The following MAP3K4 variants were observed in gnomAD, a reference collection of about 807,000 sequenced individuals.
MAP3K4 encodes mitogen-activated protein kinase kinase kinase 4, also known as MAP three kinase 1.
MAP3K4 carries 67 observed loss-of-function variants against 185.6 expected under a neutral mutation model. That is an observed-to-expected ratio of 0.36 (90% CI 0.30 to 0.44). The LOEUF (loss-of-function observed/expected upper bound fraction) is 0.44, where lower values mean the gene tolerates loss of function less well. Ranked by LOEUF, MAP3K4 falls within the 20% of genes least tolerant of loss-of-function variation. The pLI is 1.00. For synonymous variants in MAP3K4, 702 were observed against 710.4 expected, an observed-to-expected ratio of 0.99 and a Z score of 0.19; for missense variants, 1,551 against 1,995.1, an observed-to-expected ratio of 0.78 and a Z score of 4.24.
chr6:161,098,245 C>G lies in MAP3K4; in HGVS notation c.3525-33C>G, dbSNP rs780734066. On this transcript the variant is annotated intron_variant, in intron 16 of 26. Transcript: ENST00000392142. The surrounding 1 kb of genome is among the most constrained non-coding windows in gnomAD (Gnocchi z 4.4). The stretch of plus-strand genomic sequence containing the variant: ...TTTTCAAGTCCGTTCCCTCTTCTCA[C>G]ATGTGTTCCTGAAGCTTTTCTTCTT... The G allele has an allele frequency of 1.3e-6, 2 of 1,595,028 alleles. No individual in the cohort carries two copies. Among genetic ancestry groups the G allele is most frequent in the South Asian group, 2.2e-5 (2 of 89,254 alleles).
At position 161,117,131 on chromosome 6, in the gene MAP3K4, C is replaced by T; in HGVS notation, c.*261C>T. 1 of 467,308 alleles carries T rather than the reference C, an allele frequency of 2.1e-6. No individual in the cohort carries two copies. The highest frequency in any genetic ancestry group is 3.8e-6 in the Non-Finnish European group (1 of 262,768). The allele number at this position is 467,308 out of a possible 1,614,324, so 28.9% of individuals were successfully genotyped here. A position where few individuals can be genotyped will look rare whatever the true frequency, so the allele number is the denominator to read the frequency against. ...GTACACGGACCATCGCCTCTGTCTC[C>T]TCCGTGTCTCGCGCGACTGAGAACC... On this transcript the variant is annotated 3_prime_UTR_variant, in exon 27 of 27. Coordinates refer to ENST00000392142, the MANE Select transcript of MAP3K4 (RefSeq NM_005922.4).
Position 161,102,692 on chromosome 6 carries a change from C to A in MAP3K4, c.3776-7C>A. ...ATCTTAATTTGTATAAAAATAACTT[C>A]CTGCAGAACCAGCATATCCAAGAGG... On this transcript the variant is annotated splice_region_variant and splice_polypyrimidine_tract_variant and intron_variant, in intron 18 of 26. Transcript: ENST00000392142. 3 of 1,551,572 alleles carry A rather than the reference C, an allele frequency of 1.9e-6. No individual in the cohort carries two copies. Among genetic ancestry groups the A allele is most frequent in the African/African-American group, 1.4e-5 (1 of 71,622 alleles).
rs779627480 is a variant in MAP3K4 at position 160,996,531 on chromosome 6, A to C, written c.152+4448A>C. On this transcript the variant is annotated intron_variant, in intron 1 of 26. Coordinates refer to ENST00000392142, the MANE Select transcript of MAP3K4 (RefSeq NM_005922.4). This position sits in a 1 kb window ranked among gnomAD's most constrained non-coding sequence, Gnocchi z 4.5. ...TCATGACTATGATTTTACTCATAGCATTCTATTGTCTCAGCCTTGTCATTT... is the reference window on the plus strand; with the variant it reads ...TCATGACTATGATTTTACTCATAGCCTTCTATTGTCTCAGCCTTGTCATTT... Among the ~76,000 whole-genome samples, 4 of 152,188 alleles carry C rather than the reference A, an allele frequency of 2.6e-5. No individual in the cohort carries two copies. The highest frequency in any genetic ancestry group is 5.9e-5 in the Non-Finnish European group (4 of 68,034).
At chr6:161,029,999 T>G (rs933503234) in intron 1 of MAP3K4, among the ~76,000 whole-genome samples, 3 of 152,214 alleles carry the variant, frequency 2.0e-5, no homozygotes, top group Non-Finnish European at 4.4e-5. Flanking sequence ...TTTCAGCAAT[T>G]TGGTTATGAT....
At chr6:161,032,864 C>G (rs1158245145) in intron 1 of MAP3K4, among the ~76,000 whole-genome samples, 1 of 151,092 alleles carries the variant, frequency 6.6e-6, no homozygotes, top group Non-Finnish European at 1.5e-5. Flanking sequence ...ATTTAACTCG[C>G]ATGTCTTGTG....
At chr6:160,992,304 G>C (rs1780758264) in intron 1 of MAP3K4, 4 of 571,124 alleles carry the variant, frequency 7.0e-6, no homozygotes, top group Non-Finnish European at 8.7e-6. Flanking sequence ...GCAGGGTTCC[G>C]CTCGAGCGTG....
At position 160,996,576 on chromosome 6, in the gene MAP3K4, T is replaced by C. The variant is rs2115033695; in HGVS notation, c.152+4493T>C. Among the ~76,000 whole-genome samples, 1 of 152,370 alleles carries C rather than the reference T, an allele frequency of 6.6e-6. No individual in the cohort carries two copies. The highest frequency in any genetic ancestry group is 2.4e-5 in the African/African-American group (1 of 41,582). On this transcript the variant is annotated intron_variant, in intron 1 of 26. Coordinates refer to ENST00000392142, the MANE Select transcript of MAP3K4 (RefSeq NM_005922.4). The surrounding 1 kb of genome is among the most constrained non-coding windows in gnomAD (Gnocchi z 4.5). ...TCATTTGACCAGGTAGTATGTATGC[T>C]GTTTGAAGACTCTTTAACGTTGCCT...
chr6:161,065,211 G>T (rs1456593753), intron 3 of MAP3K4, among the ~76,000 whole-genome samples: 1 of 152,202 alleles, frequency 6.6e-6, no homozygotes, highest in South Asian at 2.1e-4. Flanking sequence ...CCCTGCTTCT[G>T]CTATGTGAAG....
At position 161,008,378 on chromosome 6, in the gene MAP3K4, A is replaced by G. The variant is rs1235737824; in HGVS notation, c.152+16295A>G. Among the ~76,000 whole-genome samples, 1 of 152,208 alleles carries G rather than the reference A, an allele frequency of 6.6e-6. No individual in the cohort carries two copies. Among genetic ancestry groups the G allele is most frequent in the African/African-American group, 2.4e-5 (1 of 41,460 alleles). ...ATTAGAGTAAAATCCTGGAAATATA[A>G]TTACTATACCAAAGTGTGTGTGTGT... On this transcript the variant is annotated intron_variant, in intron 1 of 26. Coordinates refer to ENST00000392142, the MANE Select transcript of MAP3K4 (RefSeq NM_005922.4). This position sits in a 1 kb window ranked among gnomAD's most constrained non-coding sequence, Gnocchi z 4.1.
chr6:161,028,829 G>T (rs759950299), intron 1 of MAP3K4, among the ~76,000 whole-genome samples: 12 of 152,184 alleles, frequency 7.9e-5, no homozygotes, highest in Non-Finnish European at 1.8e-4. Context: ...AGGTTTGACC[G>T]TTCACCTGGA....
chr6:161,032,920 T>C (rs537876378), intron 1 of MAP3K4, among the ~76,000 whole-genome samples: 49 of 152,360 alleles, frequency 3.2e-4, no homozygotes, highest in African/African-American at 1.2e-3. Context: ...ATAAAGTATT[T>C]AGAGTGGTCT....
At chr6:161,068,862 A>T (rs1265379464) in intron 3 of MAP3K4, among the ~76,000 whole-genome samples, 1 of 152,234 alleles carries the variant, frequency 6.6e-6, no homozygotes, top group East Asian at 1.9e-4. Context: ...CTTGAAGAAG[A>T]TAATAGCCGT....
In MAP3K4 at chr6:161,112,304, CGTT is replaced by C. The variant is rs1562550054; in HGVS notation, c.4519+348_4519+350del. ...CGAATCACTCAGCATACACCAGTCT[CGTT>C]GGCTGCCTGCCTGTCCACTACCTTG... On this transcript the variant is annotated intron_variant, in intron 24 of 26. Coordinates refer to ENST00000392142, the MANE Select transcript of MAP3K4 (RefSeq NM_005922.4). This position sits in a 1 kb window ranked among gnomAD's most constrained non-coding sequence, Gnocchi z 5.1. Among the ~76,000 whole-genome samples, 1 of 152,162 alleles carries C rather than the reference CGTT, an allele frequency of 6.6e-6. No homozygotes were observed. Among genetic ancestry groups the C allele is most frequent in the African/African-American group, 2.4e-5 (1 of 41,446 alleles).
rs1784574638 is a variant in MAP3K4 at position 161,063,598 on chromosome 6, CT to C, written c.1708-7009del. 1.3e-5 allele frequency among the ~76,000 whole-genome samples: 2 copies of C among 152,124 alleles called. No individual in the cohort carries two copies. Among genetic ancestry groups the C allele is most frequent in the African/African-American group, 4.8e-5 (2 of 41,416 alleles). On this transcript the variant is annotated intron_variant, in intron 3 of 26. Transcript: ENST00000392142. The surrounding 1 kb of genome is among the most constrained non-coding windows in gnomAD (Gnocchi z 5.4). ...TCTCGATCTCCTCTTCTCTTTCCTCCTGTTGTCCTTTACTGGGGAGTTGGAT... is the reference window on the plus strand; with the variant it reads ...TCTCGATCTCCTCTTCTCTTTCCTCCGTTGTCCTTTACTGGGGAGTTGGAT...
chr6:161,010,578 T>G (rs969568441), intron 1 of MAP3K4, among the ~76,000 whole-genome samples: 2 of 152,248 alleles, frequency 1.3e-5, no homozygotes, highest in Non-Finnish European at 2.9e-5. Context: ...ATTGCACAAT[T>G]GCCTACTCTT....
intron 2 of MAP3K4, among the ~76,000 whole-genome samples, chr6:161,040,139 G>T (rs893968604): frequency 6.6e-6 from 1 of 152,054 alleles, no homozygotes; most frequent in African/African-American, 2.4e-5. Flanking sequence ...TGTATTTTCT[G>T]TATTAGTAAT....
rs201528778 is a variant in MAP3K4 at position 160,994,122 on chromosome 6, CT to C, written c.152+2051del. 5.6e-3 allele frequency among the ~76,000 whole-genome samples: 800 copies of C among 142,206 alleles called. 3 individuals carry two copies. The highest frequency in any genetic ancestry group is 8.5e-3 in the Non-Finnish European group (549 of 64,580). 93.3% of individuals were successfully genotyped at this position (142,206 alleles called of 152,430 possible). On this transcript the variant is annotated intron_variant, in intron 1 of 26. Coordinates refer to ENST00000392142, the MANE Select transcript of MAP3K4 (RefSeq NM_005922.4). ...GTTCAAAATGTGTGAAATGCCACCT[CT>C]TTTTTTTTTTTACAATTTTCTTTTT... is the stretch of plus-strand genomic sequence containing the variant.
Position 161,103,651 on chromosome 6 carries a change from G to A in MAP3K4, c.3856+872G>A, listed in dbSNP as rs1431755793. 6.6e-6 allele frequency among the ~76,000 whole-genome samples: 1 copy of A among 152,224 alleles called. No individual in the cohort carries two copies. Among genetic ancestry groups the A allele is most frequent in the South Asian group, 2.1e-4 (1 of 4,832 alleles). ...TGACTGCCTAAGTAATGAAGGCTTT[G>A]CCCAGAGGTGGTGGGCAGCCCCAGA... On this transcript the variant is annotated intron_variant, in intron 19 of 26. Coordinates refer to ENST00000392142, the MANE Select transcript of MAP3K4 (RefSeq NM_005922.4). This position sits in a 1 kb window ranked among gnomAD's most constrained non-coding sequence, Gnocchi z 4.6.
At chr6:161,104,820 G>C (rs187578001) in intron 19 of MAP3K4, among the ~76,000 whole-genome samples, 14 of 152,096 alleles carry the variant, frequency 9.2e-5, no homozygotes, top group Non-Finnish European at 1.5e-4. Flanking sequence ...CCTGTGCTGG[G>C]TAGATTTGCA....
Sources: allele counts gnomAD v4.1 joint callset (sites outside exome capture counted in the v4.1 genomes callset), GRCh38; gene constraint gnomAD v4.1.1; non-coding constraint Gnocchi (gnomAD v3.1); transcripts MANE v1.5; gene names NCBI Gene and HGNC (gene_info 2026-07-23, HGNC 2026-07-21).